CNKSR2: variants seen among roughly 807,000 people sequenced by gnomAD.
CNKSR2 encodes the protein connector enhancer of kinase suppressor of Ras 2, also known as CNK homolog protein 2.
CNKSR2 carries 14 observed loss-of-function variants against 84.4 expected under a neutral mutation model. The ratio of observed to expected loss-of-function variants is 0.17; its 90% CI spans 0.11 to 0.26. CNKSR2 has a LOEUF of 0.26. CNKSR2 is among the 10% of genes least tolerant of loss of function. The pLI, the probability that CNKSR2 is intolerant of heterozygous loss-of-function variation, is 1.00. For missense variants in CNKSR2, 485 were observed against 771.2 expected (o/e 0.63, Z 4.40); for synonymous variants, 275 against 277.9 (o/e 0.99, Z 0.10).
intron 15 of CNKSR2, chrX:21,594,252 T>C (rs2092438547): frequency 9.0e-6 from 1 of 111,073 alleles, no homozygotes; most frequent in South Asian, 3.8e-4. Flanking sequence ...TTCTCACTCA[T>C]ATGTGAGAAC....
intron 11 of CNKSR2, among the ~76,000 whole-genome samples, chrX:21,551,623 G>T (rs181852173): frequency 8.9e-6 from 1 of 111,799 alleles, no homozygotes; most frequent in East Asian, 2.8e-4. Context: ...GGGGACATTT[G>T]GTAATTTCCG....
At chrX:21,617,112 AT>A (rs952480330) in intron 20 of CNKSR2, among the ~76,000 whole-genome samples, 39 of 109,489 alleles carry the variant, frequency 3.6e-4, no homozygotes, top group African/African-American at 1.2e-3. Context: ...ATGTTATGTT[AT>A]TTTTTTTTAC....
rs1241161710 is a variant in CNKSR2 at position 21,588,167 on chromosome X, C to T, written c.1609-2405C>T. Among the ~76,000 whole-genome samples the T allele has an allele frequency of 2.7e-5, 3 of 112,014 alleles. No individual in the cohort carries two copies. In the East Asian group the frequency reaches 8.4e-4, roughly 31 times the overall value. On this transcript the variant is annotated intron_variant, in intron 13 of 21. Transcript: ENST00000379510. ...CTCTGCCTAGCAACTACCAAAATTC[C>T]AGACTTCCAGAAGGCAAGTGAATAA...
intron 11 of CNKSR2, among the ~76,000 whole-genome samples, chrX:21,552,947 T>C (rs1168411479): frequency 8.9e-6 from 1 of 112,009 alleles, no homozygotes; most frequent in Non-Finnish European, 1.9e-5. Flanking sequence ...ATTAAAACAG[T>C]ATACAGCCAT....
chrX:21,504,946 G>A (rs2091597338), intron 8 of CNKSR2: 1 of 283,231 alleles, frequency 3.5e-6, no homozygotes, highest in African/African-American at 2.8e-5. Flanking sequence ...AAGGCTGCTG[G>A]AATCTCCCAA....
At chrX:21,521,189 G>T (rs1180684280) in intron 9 of CNKSR2, among the ~76,000 whole-genome samples, 3 of 110,456 alleles carry the variant, frequency 2.7e-5, no homozygotes, top group Non-Finnish European at 3.8e-5. Context: ...AAATTTATCT[G>T]TTTCTGAGAG....
rs1365188699 is a variant in CNKSR2 at position 21,570,897 on chromosome X, C to A, written c.1608+7445C>A. 2.7e-5 allele frequency among the ~76,000 whole-genome samples: 3 copies of A among 112,399 alleles called. No individual in the cohort carries two copies. In the East Asian group the frequency reaches 8.4e-4, roughly 31 times the overall value. ...GCTTCCAACTTTGCTTCTGCAGCTT[C>A]CTTACCTCTCTCAGCCTTCATAGAA... On this transcript the variant is annotated intron_variant, in intron 13 of 21. Transcript: ENST00000379510.
intron 20 of CNKSR2, among the ~76,000 whole-genome samples, chrX:21,613,559 G>A (rs2092561037): frequency 8.9e-6 from 1 of 112,121 alleles, no homozygotes; most frequent in Admixed American, 9.5e-5. Context: ...TATTACCTTG[G>A]AGCCACTGTA....
Position 21,374,430 on chromosome X carries a change from G to C in CNKSR2, c.-468G>C, listed in dbSNP as rs1231723591. The C allele has an allele frequency of 7.3e-6, 2 of 273,055 alleles. No homozygotes were observed. Among genetic ancestry groups the C allele is most frequent in the African/African-American group, 5.9e-5 (2 of 34,029 alleles). 22.5% of individuals were successfully genotyped at this position (273,055 alleles called of 1,213,427 possible). On this transcript the variant is annotated 5_prime_UTR_variant, in exon 1 of 22. Coordinates refer to ENST00000379510, the MANE Select transcript of CNKSR2 (RefSeq NM_014927.5). Reference sequence around the variant, plus strand: ...CAGGAGGCCCCTCGTCATTTCCGCCGGGCAGCTAGTCGTGCTCGGGGCTTC... The same window carrying C: ...CAGGAGGCCCCTCGTCATTTCCGCCCGGCAGCTAGTCGTGCTCGGGGCTTC...
intron 13 of CNKSR2, among the ~76,000 whole-genome samples, chrX:21,578,038 G>C (rs2092330152): frequency 9.0e-6 from 1 of 111,167 alleles, no homozygotes; most frequent in Non-Finnish European, 1.9e-5. Context: ...GACTCTGACA[G>C]CAATTGGCAA....
intron 1 of CNKSR2, among the ~76,000 whole-genome samples, chrX:21,381,975 C>T (rs2089905259): frequency 9.0e-6 from 1 of 111,206 alleles, no homozygotes; most frequent in African/African-American, 3.3e-5. Context: ...TATCCAACTC[C>T]CCCACTAGAT....
chrX:21,464,586 T>G (rs1281021490), intron 4 of CNKSR2, among the ~76,000 whole-genome samples: 1 of 111,551 alleles, frequency 9.0e-6, no homozygotes. Flanking sequence ...TTCCCATAAC[T>G]GAGATATGGC....
intron 13 of CNKSR2, among the ~76,000 whole-genome samples, chrX:21,585,532 T>C (rs747490334): frequency 9.1e-6 from 1 of 109,455 alleles, no homozygotes; most frequent in African/African-American, 3.3e-5. Context: ...TAAAGTTGAC[T>C]CCAAGGTTTT....
chrX:21,578,177 A>T (rs778301341), intron 13 of CNKSR2, among the ~76,000 whole-genome samples: 1 of 111,696 alleles, frequency 9.0e-6, no homozygotes, highest in African/African-American at 3.2e-5. Flanking sequence ...AATCCAAAAC[A>T]ACTTGGAATG....
chrX:21,605,969 G>A (rs760157266), intron 18 of CNKSR2, among the ~76,000 whole-genome samples: 1 of 111,764 alleles, frequency 8.9e-6, no homozygotes, highest in Non-Finnish European at 1.9e-5. Flanking sequence ...GCAGTTACAG[G>A]GTGGTTGGAA....
intron 1 of CNKSR2, among the ~76,000 whole-genome samples, chrX:21,393,745 A>C (rs2090083058): frequency 8.9e-6 from 1 of 112,498 alleles, no homozygotes; most frequent in African/African-American, 3.2e-5. Flanking sequence ...AGTGAAGTTA[A>C]TTAAAAGTAA....
chrX:21,606,846 A>C lies in CNKSR2; in HGVS notation c.2112A>C (p.Pro704=). The stretch of plus-strand genomic sequence containing the variant: ...CAACACCAAAACAAGATAGCCCTCC[A>C]CCCCCATATGATACATACCCACGAC... The part of the protein sequence containing the change: ...TPSTPKQDSP[P]PPYDTYPRPP... Residue 704 remains proline, a synonymous_variant, in exon 19 of 22, where the codon CCA becomes CCC. Coordinates refer to ENST00000379510, the MANE Select transcript of CNKSR2 (RefSeq NM_014927.5). 1 of 1,193,642 alleles carries C rather than the reference A, an allele frequency of 8.4e-7. No individual in the cohort carries two copies. The highest frequency in any genetic ancestry group is 1.8e-5 in the South Asian group (1 of 55,799).
intron 20 of CNKSR2, among the ~76,000 whole-genome samples, chrX:21,626,186 A>T (rs183256983): frequency 9.4e-6 from 1 of 105,997 alleles, no homozygotes; most frequent in Admixed American, 1.0e-4. Flanking sequence ...GTGACATTCA[A>T]GCTGGATGAA....
intron 5 of CNKSR2, among the ~76,000 whole-genome samples, chrX:21,484,058 G>A (rs1413541330): frequency 4.5e-5 from 5 of 111,912 alleles, no homozygotes; most frequent in Admixed American, 9.5e-5. Flanking sequence ...TTGGGAGGCC[G>A]AGGCAGGCAA....
Sources: allele counts gnomAD v4.1 joint callset (sites outside exome capture counted in the v4.1 genomes callset), GRCh38; gene constraint gnomAD v4.1.1; transcripts MANE v1.5; gene names NCBI Gene and HGNC (gene_info 2026-07-23, HGNC 2026-07-21).